The following PER2 variants were observed in gnomAD, a reference collection of about 807,000 sequenced individuals.
PER2 encodes the protein period circadian protein homolog 2.
PER2 carries 66 observed loss-of-function variants against 121.0 expected under a neutral mutation model. The ratio of observed to expected loss-of-function variants is 0.55; its 90% confidence interval spans 0.45 to 0.67. The LOEUF is 0.67. Among genes scored for constraint, PER2 ranks in the 30% least tolerant of loss-of-function variants. The pLI is 0.00. For synonymous variants in PER2, 684 were observed against 659.9 expected (o/e 1.04, Z -0.56); for missense variants, 1,521 against 1,635.0 (o/e 0.93, Z 1.20).
intron 2 of PER2, 149 bp from the exon 3 acceptor site, chr2:238,277,342 A>G: frequency 1.4e-6 from 1 of 714,962 alleles, no homozygotes. Context: ...ACTGGAATAT[A>G]AAACCTTCAG....
intron 12 of PER2, among the ~76,000 whole-genome samples, 194 bp from the exon 13 acceptor site, chr2:238,261,147 C>T (rs1187608105): frequency 6.6e-6 from 1 of 152,232 alleles, no homozygotes; most frequent in Non-Finnish European, 1.5e-5. Flanking sequence ...GCCGCGGTGC[C>T]CCGACCCAGA....
In PER2 at chr2:238,273,082, A is replaced by C. The variant is rs754196567; in HGVS notation, c.558T>G (p.Ile186Met). 14 of 1,613,984 alleles carry C rather than the reference A, an allele frequency of 8.7e-6. No individual in the cohort carries two copies. Among genetic ancestry groups the C allele is most frequent in the African/African-American group, 1.3e-5 (1 of 74,934 alleles). The change falls in exon 5 of 23, where the codon ATT becomes ATG. Residue 186 changes from isoleucine (I) to methionine (M), a missense_variant. Ile to Met is a conservative substitution (Grantham distance 10, BLOSUM62 1). Transcript: ENST00000254657. ...EEMESVTSEHIVKNADMFAVA... is the reference protein window; with the variant it reads ...EEMESVTSEHMVKNADMFAVA... ...GAAAGAGGCTTACGGCATTCTTCAC[A>C]ATGTGCTCAGAGGTAACGCTCTCCA... is the stretch of plus-strand genomic sequence containing the variant.
intron 1 of PER2, among the ~76,000 whole-genome samples, chr2:238,285,474 A>C (rs1696755268): frequency 6.6e-6 from 1 of 152,244 alleles, no homozygotes; most frequent in Admixed American, 6.5e-5. Flanking sequence ...ATTAGGAACG[A>C]AAGCAAGCCT....
intron 3 of PER2, among the ~76,000 whole-genome samples, chr2:238,276,648 G>A (rs904598391): frequency 5.3e-5 from 8 of 152,232 alleles, no homozygotes; most frequent in Admixed American, 3.9e-4. Context: ...AGAGATGTTA[G>A]AGAGACAGGA....
chr2:238,249,212 T>C lies in PER2; in HGVS notation c.3468A>G (p.Arg1156=), dbSNP rs1300601601. 4 of 1,613,538 alleles carry C rather than the reference T, an allele frequency of 2.5e-6. No homozygotes were observed. The highest frequency in any genetic ancestry group is 3.4e-6 in the Non-Finnish European group (4 of 1,179,676). ...CCTCCTTCAAAACCGCTTCTAAATTTCTTCGCAAGATATTTAGAAATCGGT... is the reference window on the plus strand; with the variant it reads ...CCTCCTTCAAAACCGCTTCTAAATTCCTTCGCAAGATATTTAGAAATCGGT... ...SVMMTYQLPS[R]NLEAVLKEDR... Residue 1156 remains arginine, a splice_region_variant and synonymous_variant, in exon 22 of 23, where the codon CGA becomes CGG. Transcript: ENST00000254657.
intron 6 of PER2, among the ~76,000 whole-genome samples, chr2:238,270,801 A>T (rs1163683392): frequency 6.6e-6 from 1 of 152,254 alleles, no homozygotes. Context: ...AGTGCAGCAC[A>T]CTTGGCCTGC....
chr2:238,266,687 A>G (rs147317489), intron 8 of PER2, among the ~76,000 whole-genome samples: 1 of 152,350 alleles, frequency 6.6e-6, no homozygotes, highest in East Asian at 1.9e-4. Context: ...ACACGCAGGA[A>G]CACAAAAAAC....
Position 238,249,221 on chromosome 2 carries a change from G to A in PER2, c.3468-9C>T. 6.2e-7 allele frequency: 1 copy of A among 1,612,668 alleles called. No individual in the cohort carries two copies. On this transcript the variant is annotated splice_polypyrimidine_tract_variant and intron_variant, in intron 21 of 22. Coordinates refer to ENST00000254657, the MANE Select transcript of PER2 (RefSeq NM_022817.3). The stretch of plus-strand genomic sequence containing the variant: ...AAACCGCTTCTAAATTTCTTCGCAA[G>A]ATATTTAGAAATCGGTAAGCTTTCA...
intron 1 of PER2, among the ~76,000 whole-genome samples, chr2:238,279,038 G>C (rs190386281): frequency 5.8e-4 from 89 of 152,260 alleles, no homozygotes; most frequent in African/African-American, 2.0e-3. Flanking sequence ...ACAAACTGAG[G>C]GGGGGTGAAC....
At chr2:238,284,718 G>A (rs1426651729) in intron 1 of PER2, among the ~76,000 whole-genome samples, 1 of 152,168 alleles carries the variant, frequency 6.6e-6, no homozygotes, top group African/African-American at 2.4e-5. Context: ...GTCTAAATAC[G>A]ATTCACTGGT....
rs1388606627 is a variant in PER2, at chr2:238,256,146, A to G, written c.2066-235T>C. On this transcript the variant is annotated intron_variant, in intron 17 of 22. Coordinates refer to ENST00000254657, the MANE Select transcript of PER2 (RefSeq NM_022817.3). Reference sequence around the variant, plus strand: ...CCAGGTGCTCAGGAACCTGGGGCTGAACAAACGGAAACGTGGGGAACCTTG... The same window carrying G: ...CCAGGTGCTCAGGAACCTGGGGCTGGACAAACGGAAACGTGGGGAACCTTG... 3.9e-5 allele frequency among the ~76,000 whole-genome samples: 6 copies of G among 152,270 alleles called. No homozygotes were observed. The South Asian group carries it at 1.2e-3, about 31-fold the overall frequency.
chr2:238,291,520 G>A (rs1045415428), upstream of PER2, among the ~76,000 whole-genome samples: 1 of 152,208 alleles, frequency 6.6e-6, no homozygotes, highest in African/African-American at 2.4e-5. Context: ...AAGGACAGGC[G>A]GCTAGGAAGA....
chr2:238,251,669 G>A lies in PER2; in HGVS notation c.3204C>T (p.Ala1068=). ...GAGACTCCGAAGCAGCAGAGCCCGA[G>A]GCTGAGCAGAGGTCCTCATTCAGCA... ...NLLLNEDLCS[A]SGSAASESLG... The change falls in exon 20 of 23, where the codon GCC becomes GCT. Residue 1068 remains alanine (A), a synonymous_variant. Coordinates refer to ENST00000254657, the MANE Select transcript of PER2 (RefSeq NM_022817.3). 6.2e-7 allele frequency: 1 copy of A among 1,614,144 alleles called. No homozygotes were observed. Among genetic ancestry groups the A allele is most frequent in the Non-Finnish European group, 8.5e-7 (1 of 1,179,952 alleles).
chr2:238,266,068 T>TC (rs1696089422), intron 8 of PER2, among the ~76,000 whole-genome samples: 1 of 151,814 alleles, frequency 6.6e-6, no homozygotes, highest in Non-Finnish European at 1.5e-5. Flanking sequence ...CACGCCCAGC[T>TC]AATTTTTTGT....
In PER2 at chr2:238,255,906, C is replaced by G. The variant is rs139966402; in HGVS notation, c.2071G>C (p.Val691Leu). ...TCTGGCCCACTCGCAGCATCTTCCA[C>G]CATCTCTGTAACACAAGAACCCAGG... ...DKKPQPELEM[V>L]EDAASGPESL... Residue 691 changes from valine to leucine, a missense_variant, in exon 18 of 23, where the codon GTG becomes CTG. Coordinates refer to ENST00000254657, the MANE Select transcript of PER2 (RefSeq NM_022817.3). The G allele has an allele frequency of 3.7e-6, 6 of 1,614,096 alleles. No individual in the cohort carries two copies. In the African/African-American group the frequency reaches 8.0e-5, roughly 22 times the overall value.
chr2:238,264,768 G>T (rs1659664743), intron 9 of PER2, among the ~76,000 whole-genome samples: 1 of 152,154 alleles, frequency 6.6e-6, no homozygotes, highest in South Asian at 2.1e-4. Flanking sequence ...GACTACAGGT[G>T]CACACCACCA....
Position 238,277,749 on chromosome 2 carries a change from T to C in PER2, c.188A>G (p.Lys63Arg), listed in dbSNP as rs1696498638. ...TGGCTCCACCAGCATCCCCAGCTCC[T>C]TCCCACTGTCGTCACAGTCACTGCC... ...SQGSDCDDSG[K>R]ELGMLVEPPD... Residue 63 changes from lysine to arginine, a missense_variant, in exon 2 of 23, where the codon AAG becomes AGG. Coordinates refer to ENST00000254657, the MANE Select transcript of PER2 (RefSeq NM_022817.3). 6.2e-7 allele frequency: 1 copy of C among 1,614,192 alleles called. No individual in the cohort carries two copies. The highest frequency in any genetic ancestry group is 8.5e-7 in the Non-Finnish European group (1 of 1,180,000).
At chr2:238,271,282 G>C in intron 6 of PER2, 30 bp downstream of exon 6, 2 of 1,595,276 alleles carry the variant, frequency 1.3e-6, no homozygotes, top group Non-Finnish European at 1.7e-6. Context: ...CGACCCCAGA[G>C]GGAACAAGGC....
At chr2:238,276,356 C>A (rs866270207) in intron 3 of PER2, among the ~76,000 whole-genome samples, 1 of 152,246 alleles carries the variant, frequency 6.6e-6, no homozygotes, top group Non-Finnish European at 1.5e-5. Context: ...CAAGAGTCAC[C>A]GCTCTAACCC....
Sources: allele counts gnomAD v4.1 joint callset (sites outside exome capture counted in the v4.1 genomes callset), GRCh38; gene constraint gnomAD v4.1.1; transcripts MANE v1.5; gene names NCBI Gene and HGNC (gene_info 2026-07-23, HGNC 2026-07-21).